The following GPM6A variants were observed in gnomAD, a reference collection of about 807,000 sequenced individuals.
GPM6A encodes the protein neuronal membrane glycoprotein M6-a.
In GPM6A, 7 loss-of-function variants were observed where a neutral mutation model predicts 32.1. The observed-to-expected ratio is 0.22, with a 90% CI of 0.12 to 0.41. The LOEUF is 0.41. Ranked by LOEUF, GPM6A falls within the 10% of genes least tolerant of loss-of-function variation. The pLI is 1.00. For missense variants in GPM6A, 235 were observed against 347.2 expected, an observed-to-expected ratio of 0.68 and a Z score of 2.57; for synonymous variants, 130 against 123.4, an observed-to-expected ratio of 1.05 and a Z score of -0.35.
chr4:175,794,845 T>TG (rs1560936857), intron 1 of GPM6A, among the ~76,000 whole-genome samples: 1 of 152,176 alleles, frequency 6.6e-6, no homozygotes, highest in African/African-American at 2.4e-5. Context: ...GGCCATATTA[T>TG]AAGGGCTTGA....
intron 1 of GPM6A, among the ~76,000 whole-genome samples, chr4:175,745,878 A>G (rs1732084075): frequency 6.6e-6 from 1 of 152,136 alleles, no homozygotes; most frequent in Non-Finnish European, 1.5e-5. Flanking sequence ...AGTCTTATTT[A>G]TTCAGAGTGG....
chr4:175,853,797 A>T (rs1351406656), intron 1 of GPM6A, among the ~76,000 whole-genome samples: 1 of 152,166 alleles, frequency 6.6e-6, no homozygotes, highest in Admixed American at 6.5e-5. Context: ...TCAGTTACCA[A>T]AAATAAAAAC....
At chr4:175,974,204 T>TG (rs1307027842) in intron 1 of GPM6A, among the ~76,000 whole-genome samples, 1 of 152,120 alleles carries the variant, frequency 6.6e-6, no homozygotes, top group East Asian at 1.9e-4. Flanking sequence ...CACTCCAGCC[T>TG]GGGAGACAGA....
Position 175,633,489 on chromosome 4 carries a change from GA to G in GPM6A, c.*1415del, listed in dbSNP as rs1740412884. 6.6e-6 allele frequency: 1 copy of G among 152,408 alleles called. No individual in the cohort carries two copies. The highest frequency in any genetic ancestry group is 1.5e-5 in the Non-Finnish European group (1 of 67,914). 9.4% of individuals were successfully genotyped at this position (152,408 alleles called of 1,614,324 possible). A position where few individuals can be genotyped will look rare whatever the true frequency, so the allele number is the denominator to read the frequency against. ...TTTATTAGAAATGCAGTTACACTGA[GA>G]AAGGATTTCACAATGGTCAAATCAG... is the stretch of plus-strand genomic sequence containing the variant. On this transcript the variant is annotated 3_prime_UTR_variant, in exon 7 of 7. Coordinates refer to ENST00000393658, the MANE Select transcript of GPM6A (RefSeq NM_201591.3).
intron 1 of GPM6A, among the ~76,000 whole-genome samples, chr4:175,944,606 T>C (rs1326736922): frequency 6.6e-6 from 1 of 152,214 alleles, no homozygotes; most frequent in African/African-American, 2.4e-5. Flanking sequence ...TTAACAGTAT[T>C]ATCAGGGGAA....
chr4:175,834,863 T>A (rs1735716674), intron 1 of GPM6A, among the ~76,000 whole-genome samples: 1 of 152,222 alleles, frequency 6.6e-6, no homozygotes. Context: ...TAAAGATTGA[T>A]TACTGGTAAG....
intron 4 of GPM6A, among the ~76,000 whole-genome samples, chr4:175,645,580 G>A (rs969189996): frequency 2.0e-5 from 3 of 152,074 alleles, no homozygotes; most frequent in African/African-American, 7.2e-5. Flanking sequence ...AATTAGCCAG[G>A]CATGGTGGCA....
At chr4:175,761,051 G>C (rs1732716187) in intron 1 of GPM6A, among the ~76,000 whole-genome samples, 1 of 152,042 alleles carries the variant, frequency 6.6e-6, no homozygotes, top group African/African-American at 2.4e-5. Flanking sequence ...GTTACTGAGG[G>C]AGAAAGTTAT....
intron 3 of GPM6A, among the ~76,000 whole-genome samples, chr4:175,652,572 T>C (rs1741870600): frequency 6.6e-6 from 1 of 151,914 alleles, no homozygotes; most frequent in Non-Finnish European, 1.5e-5. Context: ...ATATAGTATA[T>C]ACACTTATAT....
intron 1 of GPM6A, among the ~76,000 whole-genome samples, chr4:175,995,440 G>T (rs1413541304): frequency 7.0e-6 from 1 of 143,028 alleles, no homozygotes; most frequent in Non-Finnish European, 1.5e-5. Flanking sequence ...AGTGCAACAA[G>T]ACAGGGTACG....
intron 2 of GPM6A, among the ~76,000 whole-genome samples, chr4:175,685,113 TCTC>T: frequency 6.6e-6 from 1 of 152,128 alleles, no homozygotes; most frequent in Non-Finnish European, 1.5e-5. Context: ...ATGGTCTTGA[TCTC>T]CTGACCTCGT....
chr4:175,842,150 G>A (rs181526811), intron 1 of GPM6A, among the ~76,000 whole-genome samples: 3 of 152,078 alleles, frequency 2.0e-5, no homozygotes, highest in Admixed American at 2.0e-4. Flanking sequence ...TTTCCCTATG[G>A]TAACAGCAAT....
In GPM6A at chr4:175,822,618, G is replaced by T. The variant is rs141181490; in HGVS notation, c.-22-10369C>A. 9.3e-3 allele frequency among the ~76,000 whole-genome samples: 1,401 copies of T among 151,162 alleles called. 13 individuals carry two copies. The highest frequency in any genetic ancestry group is 0.013 in the Non-Finnish European group (898 of 67,804). On this transcript the variant is annotated intron_variant, in intron 1 of 7. Coordinates refer to the GPM6A transcript ENST00000280187. ...TAAGAGTGCTTATTTCTAGAAAGTG[G>T]TATTTGAGATAATTTATTTAATTCT...
chr4:175,777,863 CAG>C (rs1398420958), intron 1 of GPM6A, among the ~76,000 whole-genome samples: 1 of 152,086 alleles, frequency 6.6e-6, no homozygotes, highest in Non-Finnish European at 1.5e-5. Flanking sequence ...TTTAATCCCT[CAG>C]ATTATATGAT....
chr4:175,688,559 T>C (rs991452627), intron 2 of GPM6A, among the ~76,000 whole-genome samples: 2 of 152,182 alleles, frequency 1.3e-5, no homozygotes, highest in Non-Finnish European at 2.9e-5. Flanking sequence ...TGTCTGTCTT[T>C]ATGTCAATAC....
chr4:175,870,572 T>C (rs1422002480), intron 1 of GPM6A, among the ~76,000 whole-genome samples: 1 of 152,190 alleles, frequency 6.6e-6, no homozygotes, highest in East Asian at 1.9e-4. Flanking sequence ...TGGCTCTCCT[T>C]ATGGACTGCT....
chr4:175,941,953 A>G (rs1739426424), intron 1 of GPM6A, among the ~76,000 whole-genome samples: 1 of 152,230 alleles, frequency 6.6e-6, no homozygotes, highest in Admixed American at 6.5e-5. Context: ...AGGAATTGCC[A>G]CACTGTCTTC....
At chr4:175,971,227 C>T (rs1257465283) in intron 1 of GPM6A, among the ~76,000 whole-genome samples, 1 of 150,238 alleles carries the variant, frequency 6.7e-6, no homozygotes, top group Admixed American at 6.6e-5. Flanking sequence ...GCTGCTGCTG[C>T]GCTCCTGGGA....
At chr4:175,842,708 T>A (rs78114318) in intron 1 of GPM6A, among the ~76,000 whole-genome samples, 9,182 of 152,140 alleles carry the variant, frequency 0.06, 899 homozygotes, top group African/African-American at 0.21. Flanking sequence ...TCTAAAAAAA[T>A]TTAAAAAACA....
Sources: allele counts gnomAD v4.1 joint callset (sites outside exome capture counted in the v4.1 genomes callset), GRCh38; gene constraint gnomAD v4.1.1; transcripts MANE v1.5; gene names NCBI Gene and HGNC (gene_info 2026-07-23, HGNC 2026-07-21).